Variants in TENM3 observed in about 807,000 individuals in gnomAD.
The protein encoded by TENM3 is teneurin transmembrane protein 3.
TENM3 carries 63 observed loss-of-function variants against 255.1 expected under a neutral mutation model. The observed-to-expected ratio is 0.25, with a 90% CI of 0.20 to 0.30. The LOEUF is 0.30. TENM3 is among the 10% of genes least tolerant of loss of function. TENM3 has a pLI of 1.00. For synonymous variants in TENM3, 1,306 were observed against 1,322.3 expected, an observed-to-expected ratio of 0.99 and a Z score of 0.27; for missense variants, 2,929 against 3,461.1, an observed-to-expected ratio of 0.85 and a Z score of 3.86.
At chr4:182,330,703 C>G (rs763487584) in intron 2 of TENM3, among the ~76,000 whole-genome samples, 22 of 152,150 alleles carry the variant, frequency 1.4e-4, no homozygotes, top group Non-Finnish European at 2.5e-4. Flanking sequence ...GAAGAAATAC[C>G]AACTGAATTA....
Position 182,800,265 on chromosome 4 carries a change from G to A in TENM3, c.8014G>A (p.Val2672Ile), listed in dbSNP as rs200105084. The A allele has an allele frequency of 1.3e-4, 210 of 1,594,112 alleles. No individual in the cohort carries two copies. In the African/African-American group the frequency reaches 2.6e-3, roughly 20 times the overall value. ...GKVQGYDGYY[V>I]LSVEQYPELA... ...GGTGCAGGGCTACGACGGGTACTAC[G>A]TACTCTCGGTGGAGCAGTACCCCGA... Residue 2672 changes from valine to isoleucine, a missense_variant, in exon 28 of 28, where the codon GTA becomes ATA. Transcript: ENST00000511685.
chr4:182,088,085 C>T, the TENM3 span, among the ~76,000 whole-genome samples: 2 of 152,158 alleles, frequency 1.3e-5, no homozygotes, highest in East Asian at 3.9e-4. Flanking sequence ...AGTAAGAAGA[C>T]ATGTATCTTA....
chr4:182,324,290 G>T (rs1281015319), intron 2 of TENM3, 38 bp downstream of exon 2: 2 of 1,459,338 alleles, frequency 1.4e-6, no homozygotes, highest in Middle Eastern at 3.5e-4. Context: ...CAATGCTCAC[G>T]TTACTAACTT....
the TENM3 span, among the ~76,000 whole-genome samples, chr4:181,804,971 C>T: frequency 6.6e-6 from 1 of 152,106 alleles, no homozygotes; most frequent in South Asian, 2.1e-4. Context: ...TGTCTCTCAC[C>T]CGTCCCCTGA....
chr4:181,689,494 C>T, the TENM3 span, among the ~76,000 whole-genome samples: 1 of 152,126 alleles, frequency 6.6e-6, no homozygotes, highest in Non-Finnish European at 1.5e-5. Flanking sequence ...CAGGCATAGA[C>T]TCTGTACCTA....
At chr4:182,543,169 G>A (rs1165776060) in intron 3 of TENM3, among the ~76,000 whole-genome samples, 1 of 151,958 alleles carries the variant, frequency 6.6e-6, no homozygotes, top group Non-Finnish European at 1.5e-5. Context: ...ATGGATGGAT[G>A]CATGGATGCA....
intron 3 of TENM3, among the ~76,000 whole-genome samples, chr4:182,412,053 A>G (rs1339589653): frequency 2.6e-5 from 4 of 152,308 alleles, no homozygotes; most frequent in Non-Finnish European, 5.9e-5. Flanking sequence ...CCTGGACCCA[A>G]GTCAGCCCCT....
chr4:182,104,840 G>C, the TENM3 span, among the ~76,000 whole-genome samples: 3 of 151,990 alleles, frequency 2.0e-5, no homozygotes, highest in African/African-American at 7.2e-5. Flanking sequence ...GTTGTTGTAG[G>C]TCAGGTTATT....
At chr4:181,576,203 T>C in the TENM3 span, among the ~76,000 whole-genome samples, 1 of 152,194 alleles carries the variant, frequency 6.6e-6, no homozygotes, top group Non-Finnish European at 1.5e-5. Flanking sequence ...GAATATGCAG[T>C]CTGTCTATTT....
the TENM3 span, among the ~76,000 whole-genome samples, chr4:182,065,613 C>T: frequency 6.6e-6 from 1 of 152,174 alleles, no homozygotes; most frequent in African/African-American, 2.4e-5. Context: ...CCCACCCGGC[C>T]CCTCCTCTAA....
the TENM3 span, among the ~76,000 whole-genome samples, chr4:181,710,484 G>A: frequency 1.3e-5 from 2 of 152,048 alleles, no homozygotes; most frequent in African/African-American, 4.8e-5. Context: ...TTGGGAGGCT[G>A]AGGCGGGCGG....
the TENM3 span, among the ~76,000 whole-genome samples, chr4:181,947,575 A>G: frequency 6.6e-6 from 1 of 152,200 alleles, no homozygotes; most frequent in African/African-American, 2.4e-5. Flanking sequence ...TTTATGTATT[A>G]AACGTCTCAT....
chr4:182,539,703 G>A (rs762482485), intron 3 of TENM3, among the ~76,000 whole-genome samples: 10 of 152,146 alleles, frequency 6.6e-5, no homozygotes, highest in Non-Finnish European at 7.3e-5. Flanking sequence ...CCTTCATTCA[G>A]CAAATAGTTA....
At chr4:182,669,054 G>C (rs1754969638) in intron 6 of TENM3, among the ~76,000 whole-genome samples, 1 of 152,112 alleles carries the variant, frequency 6.6e-6, no homozygotes, top group Non-Finnish European at 1.5e-5. Context: ...CATAGCCTTA[G>C]AAATGTATGA....
intron 20 of TENM3, among the ~76,000 whole-genome samples, chr4:182,752,942 ATTTTTTTTTTT>A (rs750171665): frequency 1.6e-5 from 2 of 121,724 alleles, no homozygotes; most frequent in South Asian, 2.8e-4. Context: ...TCCTTACTGA[ATTTTTTTTTTT>A]TTTTTTTTTT....
intron 1 of TENM3, among the ~76,000 whole-genome samples, chr4:182,256,644 C>G (rs1202343743): frequency 6.6e-6 from 1 of 152,104 alleles, no homozygotes; most frequent in Non-Finnish European, 1.5e-5. Context: ...TGTAAAGTAG[C>G]CTTACGTCTT....
the TENM3 span, among the ~76,000 whole-genome samples, chr4:181,761,421 GCA>G: frequency 1.3e-5 from 2 of 151,982 alleles, no homozygotes; most frequent in Non-Finnish European, 2.9e-5. Flanking sequence ...CTGGTGATTT[GCA>G]CACCACAGTT....
chr4:181,533,565 G>A, the TENM3 span, among the ~76,000 whole-genome samples: 2 of 151,936 alleles, frequency 1.3e-5, no homozygotes, highest in African/African-American at 4.8e-5. Flanking sequence ...CCGTTATTGG[G>A]CATACGATCT....
At chr4:181,765,035 T>C in the TENM3 span, among the ~76,000 whole-genome samples, 8 of 152,142 alleles carry the variant, frequency 5.3e-5, no homozygotes, top group African/African-American at 1.7e-4. Flanking sequence ...TCATGCTCCC[T>C]AAGAATGATT....
Sources: allele counts gnomAD v4.1 joint callset (sites outside exome capture counted in the v4.1 genomes callset), GRCh38; gene constraint gnomAD v4.1.1; transcripts MANE v1.5; gene names NCBI Gene and HGNC (gene_info 2026-07-23, HGNC 2026-07-21).